CTDP1: variants seen among roughly 807,000 people sequenced by gnomAD.
CTDP1 encodes the protein RNA polymerase II subunit A C-terminal domain phosphatase.
In CTDP1, 47 loss-of-function variants were observed where a neutral mutation model predicts 91.8. That is an observed-to-expected ratio of 0.51 (90% CI 0.41 to 0.65). CTDP1 has a LOEUF of 0.65. Ranked by LOEUF, CTDP1 falls within the 30% of genes least tolerant of loss-of-function variation. The pLI is 0.00. For missense variants in CTDP1, 1,272 were observed against 1,373.7 expected (o/e 0.93, Z 1.17); for synonymous variants, 656 against 598.5 (o/e 1.10, Z -1.40).
intron 1 of CTDP1, among the ~76,000 whole-genome samples, chr18:79,686,892 G>T (rs71367523): frequency 1.7e-3 from 177 of 104,804 alleles, no homozygotes; most frequent in East Asian, 5.2e-3. Flanking sequence ...AGTTGGCTTC[G>T]CCAGTTCACT....
At position 79,713,295 on chromosome 18, in the gene CTDP1, G is replaced by A. The variant is rs1045482060; in HGVS notation, c.1030+157G>A. 1.3e-5 allele frequency among the ~76,000 whole-genome samples: 2 copies of A among 152,054 alleles called. No individual in the cohort carries two copies. The highest frequency in any genetic ancestry group is 2.9e-5 in the Non-Finnish European group (2 of 68,004). ...TTATTGGATTTATTTATAGAGTACT[G>A]AAAAACAGGATATTAGGTTGTTTCA... On this transcript the variant is annotated intron_variant, in intron 7 of 12. Transcript: ENST00000613122. The surrounding 1 kb of genome is among the most constrained non-coding windows in gnomAD (Gnocchi z 4.7).
intron 1 of CTDP1, among the ~76,000 whole-genome samples, chr18:79,686,996 C>T (rs1209773286): frequency 2.3e-5 from 3 of 132,418 alleles, no homozygotes; most frequent in Non-Finnish European, 3.2e-5. Context: ...GGGCCTGCAC[C>T]GCAGCAGTTG....
intron 12 of CTDP1, among the ~76,000 whole-genome samples, chr18:79,741,576 A>G (rs905179177): frequency 3.3e-5 from 5 of 152,144 alleles, no homozygotes; most frequent in Non-Finnish European, 5.9e-5. Flanking sequence ...TTCCTGTCCC[A>G]TCTGGTGCAG....
rs773306849 is a variant in CTDP1, at chr18:79,714,616, G to A, written c.1156G>A (p.Gly386Ser). The change falls in exon 8 of 13, where the codon GGC becomes AGC. Residue 386 changes from glycine (G) to serine (S), a missense_variant. Gly to Ser is a moderately conservative substitution (Grantham distance 56, BLOSUM62 0). Transcript: ENST00000613122. ...GGAGAAGCCTGCACGGGAGCTGAAC[G>A]GCAGCGAGGCCGCCACCCCGCGGGA... is the stretch of plus-strand genomic sequence containing the variant. Reference protein sequence around the residue: ...GLEKPARELNGSEAATPRDSP... With the variant: ...GLEKPARELNSSEAATPRDSP... 37 of 1,612,692 alleles carry A rather than the reference G, an allele frequency of 2.3e-5. No homozygotes were observed. The Admixed American group carries it at 2.5e-4, about 11-fold the overall frequency.
At chr18:79,711,675 A>G (rs1017466406) in intron 6 of CTDP1, among the ~76,000 whole-genome samples, 1 of 152,124 alleles carries the variant, frequency 6.6e-6, no homozygotes, top group Non-Finnish European at 1.5e-5. Context: ...AATTTACAAA[A>G]TCCTAAGTCA....
chr18:79,733,289 G>A (rs953059297), intron 11 of CTDP1, among the ~76,000 whole-genome samples: 12 of 152,166 alleles, frequency 7.9e-5, no homozygotes, highest in Admixed American at 3.3e-4. Context: ...ACGGGTGTGC[G>A]TTTGGTGTGT....
At chr18:79,753,521 G>A (rs2122920526) in intron 12 of CTDP1, 131 bp from the exon 13 acceptor site, 3 of 1,433,618 alleles carry the variant, frequency 2.1e-6, no homozygotes, top group East Asian at 4.8e-5. Context: ...TGGCCTGTGT[G>A]TGTCCTTGAC....
At chr18:79,678,748 T>G (rs1336905931), upstream of CTDP1, 1 of 152,180 alleles carries the variant, frequency 6.6e-6, no homozygotes, top group Non-Finnish European at 1.5e-5. Flanking sequence ...TGGCAGGTAT[T>G]AAGGCTGAAA....
chr18:79,753,215 T>G (rs2087034529), intron 12 of CTDP1, among the ~76,000 whole-genome samples: 1 of 152,260 alleles, frequency 6.6e-6, no homozygotes, highest in Admixed American at 6.5e-5. Context: ...AAGAGTCATT[T>G]TAGCAGTGGC....
chr18:79,718,810 T>C (rs1474730145), intron 10 of CTDP1, among the ~76,000 whole-genome samples: 5 of 151,606 alleles, frequency 3.3e-5, no homozygotes, highest in African/African-American at 1.2e-4. Flanking sequence ...CAAGACCTGG[T>C]GTGCGTTTGC....
chr18:79,745,177 G>A (rs765451156), intron 12 of CTDP1, among the ~76,000 whole-genome samples: 2 of 152,210 alleles, frequency 1.3e-5, no homozygotes, highest in Admixed American at 1.3e-4. Flanking sequence ...ACTGTGGCAT[G>A]GATAATTTTT....
At chr18:79,732,121 T>C (rs535129279) in intron 11 of CTDP1, among the ~76,000 whole-genome samples, 3 of 149,734 alleles carry the variant, frequency 2.0e-5, no homozygotes, top group Non-Finnish European at 4.4e-5. Flanking sequence ...ACATCAGGAG[T>C]GCTCCCAAAA....
chr18:79,690,270 T>C (rs2085592524), intron 1 of CTDP1, among the ~76,000 whole-genome samples: 1 of 150,880 alleles, frequency 6.6e-6, no homozygotes, highest in Admixed American at 6.6e-5. Flanking sequence ...GGACCTCCCC[T>C]GAGAGAGCTG....
At position 79,714,863 on chromosome 18, in the gene CTDP1, A is replaced by G. The variant is rs1445638262; in HGVS notation, c.1403A>G (p.Lys468Arg). 6.3e-7 allele frequency: 1 copy of G among 1,586,704 alleles called. No homozygotes were observed. Among genetic ancestry groups the G allele is most frequent in the Admixed American group, 1.8e-5 (1 of 54,624 alleles). Residue 468 changes from lysine to arginine, a missense_variant, in exon 8 of 13, where the codon AAG becomes AGG. By Grantham distance (26) the Lys-to-Arg change is conservative. Coordinates refer to ENST00000613122, the MANE Select transcript of CTDP1 (RefSeq NM_004715.5). ...AGCAGCAGTGAGTCCGAGGGCACGA[A>G]GTCCTCCTCCTCCGCCTCTGATGGC... ...SESSSESEGT[K>R]SSSSASDGES... is the part of the protein sequence containing the mutation.
In CTDP1 at chr18:79,714,526, T is replaced by C. The variant is rs139598569; in HGVS notation, c.1066T>C (p.Ser356Pro). 5.9e-4 allele frequency: 947 copies of C among 1,613,124 alleles called. 6 individuals are homozygous for C. The African/African-American group carries it at 0.01, about 18-fold the overall frequency. Residue 356 changes from serine to proline, a missense_variant, in exon 8 of 13, where the codon TCT (serine) becomes CCT (proline). By Grantham distance (74) the Ser-to-Pro change is moderately conservative. This residue lies in a region of CTDP1 where 881 missense variants were observed against 911.6 expected (regional missense o/e 0.97). Coordinates refer to ENST00000613122, the MANE Select transcript of CTDP1 (RefSeq NM_004715.5). ...HSRGTEVSEP[S>P]PPVRDPEGVT... ...TCGAGGCACTGAGGTCTCAGAGCCA[T>C]CTCCGCCCGTGAGAGACCCTGAGGG...
chr18:79,680,489 G>C (rs915138349), intron 1 of CTDP1, among the ~76,000 whole-genome samples: 12 of 152,262 alleles, frequency 7.9e-5, no homozygotes, highest in Non-Finnish European at 1.2e-4. Flanking sequence ...GTAGCGACAC[G>C]AAGTTACTGT....
intron 10 of CTDP1, among the ~76,000 whole-genome samples, chr18:79,725,088 G>A (rs2086418926): frequency 6.6e-6 from 1 of 152,228 alleles, no homozygotes; most frequent in Non-Finnish European, 1.5e-5. Flanking sequence ...TTGCCTGTCA[G>A]TATGTGGTGG....
Position 79,691,506 on chromosome 18 carries a change from G to A in CTDP1, c.315-3719G>A, listed in dbSNP as rs570284179. 8.0e-5 allele frequency among the ~76,000 whole-genome samples: 9 copies of A among 111,914 alleles called. 1 individual carries two copies. Among genetic ancestry groups the A allele is most frequent in the African/African-American group, 2.9e-4 (9 of 30,626 alleles). 73.4% of individuals were successfully genotyped at this position (111,914 alleles called of 152,430 possible). A position where few individuals can be genotyped will look rare whatever the true frequency, so the allele number is the denominator to read the frequency against. On this transcript the variant is annotated intron_variant, in intron 1 of 12. Transcript: ENST00000613122. ...ACAGCTCCCAGGGTGGACTCGGGGTGGGGAGGAGTGGACGGCTCCCAGGGT... is the reference window on the plus strand; with the variant it reads ...ACAGCTCCCAGGGTGGACTCGGGGTAGGGAGGAGTGGACGGCTCCCAGGGT...
chr18:79,749,910 C>T (rs1320015804), intron 12 of CTDP1: 2 of 152,290 alleles, frequency 1.3e-5, no homozygotes, highest in Admixed American at 6.5e-5. Context: ...TTGCCAAAAG[C>T]TTGTTGCTGT....
Sources: gnomAD v4.1 joint callset for allele counts (sites outside exome capture counted in the v4.1 genomes callset) on GRCh38, gnomAD v4.1.1 for gene constraint, gnomAD v4.1.1 regional missense constraint, Gnocchi (gnomAD v3.1) non-coding constraint, MANE v1.5 for transcripts, NCBI Gene and HGNC (gene_info 2026-07-23, HGNC 2026-07-21) for gene names.